The following ADGRB3 variants were observed in gnomAD, a reference collection of about 807,000 sequenced individuals.
The protein encoded by ADGRB3 is adhesion G protein-coupled receptor B3, also known as brain-specific angiogenesis inhibitor 3.
ADGRB3 carries 37 observed loss-of-function variants against 193.4 expected under a neutral mutation model. That is an observed-to-expected ratio of 0.19 (90% CI 0.15 to 0.25). The LOEUF is 0.25. Among genes scored for constraint, ADGRB3 ranks in the 10% least tolerant of loss-of-function variants. The pLI, the probability that ADGRB3 is intolerant of heterozygous loss-of-function variation, is 1.00. For missense variants in ADGRB3, 1,637 were observed against 1,852.9 expected (o/e 0.88, Z 2.14); for synonymous variants, 690 against 644.2 (o/e 1.07, Z -1.08).
intron 6 of ADGRB3, among the ~76,000 whole-genome samples, chr6:68,954,198 A>G (rs542468512): frequency 2.0e-5 from 3 of 152,324 alleles, no homozygotes; most frequent in African/African-American, 7.2e-5. Context: ...GTTTCATGTT[A>G]AGATGGTATT....
chr6:69,256,035 G>C (rs901521391), intron 20 of ADGRB3, among the ~76,000 whole-genome samples: 3 of 151,808 alleles, frequency 2.0e-5, no homozygotes, highest in African/African-American at 7.3e-5. Flanking sequence ...TTATTTCTGA[G>C]GGCTCTGTTC....
intron 3 of ADGRB3, among the ~76,000 whole-genome samples, chr6:68,749,335 G>T (rs1766146899): frequency 6.6e-6 from 1 of 151,540 alleles, no homozygotes; most frequent in Non-Finnish European, 1.5e-5. Flanking sequence ...TCCTCAGCTT[G>T]CAGGCAGCCT....
At chr6:69,327,437 C>CGATA (rs1379983377) in intron 21 of ADGRB3, among the ~76,000 whole-genome samples, 11 of 152,140 alleles carry the variant, frequency 7.2e-5, no homozygotes, top group Admixed American at 2.0e-4. Context: ...TCCACTTCTC[C>CGATA]GATATTACAT....
intron 13 of ADGRB3, among the ~76,000 whole-genome samples, chr6:69,021,791 T>C (rs1770278559): frequency 6.6e-6 from 1 of 151,882 alleles, no homozygotes; most frequent in South Asian, 2.1e-4. Context: ...CGAAGCTTCT[T>C]TTTTTCTGAA....
chr6:69,306,326 C>T (rs918887963), intron 20 of ADGRB3, among the ~76,000 whole-genome samples: 2 of 151,582 alleles, frequency 1.3e-5, no homozygotes, highest in Non-Finnish European at 2.9e-5. Flanking sequence ...AGACCACTAA[C>T]ATTTTTCTCT....
At chr6:68,934,039 C>T (rs1304254927) in intron 4 of ADGRB3, among the ~76,000 whole-genome samples, 1 of 151,966 alleles carries the variant, frequency 6.6e-6, no homozygotes, top group Non-Finnish European at 1.5e-5. Context: ...CTCACAATGG[C>T]CTAATGTGCT....
At position 69,247,365 on chromosome 6, in the gene ADGRB3, T is replaced by C. The variant is rs569315278; in HGVS notation, c.2814+8139T>C. Among the ~76,000 whole-genome samples the C allele has an allele frequency of 3.9e-5, 6 of 152,300 alleles. No individual in the cohort carries two copies. In the East Asian group the frequency reaches 7.7e-4, roughly 20 times the overall value. ...ATCATCCTCTCCCTCCAGACTGATATAGCCTCTAGCAAGCCTTCTGGCTTG... is the reference window on the plus strand; with the variant it reads ...ATCATCCTCTCCCTCCAGACTGATACAGCCTCTAGCAAGCCTTCTGGCTTG... On this transcript the variant is annotated intron_variant, in intron 20 of 31. Transcript: ENST00000370598.
At chr6:69,063,401 GCCT>G (rs1470006748) in intron 16 of ADGRB3, among the ~76,000 whole-genome samples, 1 of 151,988 alleles carries the variant, frequency 6.6e-6, no homozygotes, top group Non-Finnish European at 1.5e-5. Flanking sequence ...GTGAGTAAAA[GCCT>G]GTTAACTGTA....
intron 28 of ADGRB3, 43 bp from the exon 29 acceptor site, chr6:69,360,826 A>G: frequency 6.7e-7 from 1 of 1,501,160 alleles, no homozygotes; most frequent in African/African-American, 1.4e-5. Flanking sequence ...AAAAATAAAC[A>G]CACATTAACT....
chr6:69,099,399 A>G (rs1055967752), intron 17 of ADGRB3, among the ~76,000 whole-genome samples: 5 of 151,938 alleles, frequency 3.3e-5, no homozygotes, highest in Admixed American at 3.3e-4. Context: ...AAACTTACCT[A>G]CCTCCTGTGC....
chr6:68,910,793 G>A (rs931046846), intron 3 of ADGRB3, among the ~76,000 whole-genome samples: 1 of 152,132 alleles, frequency 6.6e-6, no homozygotes, highest in Non-Finnish European at 1.5e-5. Flanking sequence ...GTACCATGCT[G>A]TTTTGGTTAC....
At chr6:69,216,721 C>T (rs1765779167) in intron 17 of ADGRB3, among the ~76,000 whole-genome samples, 1 of 152,166 alleles carries the variant, frequency 6.6e-6, no homozygotes, top group Non-Finnish European at 1.5e-5. Context: ...AAAGAATCGG[C>T]TTGGACAGAA....
rs530858244 is a variant in ADGRB3, at chr6:68,953,005, C to G, written c.1196-3019C>G. 3.9e-4 allele frequency among the ~76,000 whole-genome samples: 60 copies of G among 152,130 alleles called. 1 individual carries two copies. Among genetic ancestry groups the G allele is most frequent in the African/African-American group, 1.3e-3 (56 of 41,524 alleles). ...TATTATTATTGATGCAGTCTTATTT[C>G]AGTAAAAGCCTGAGGAGCAAAACAC... On this transcript the variant is annotated intron_variant, in intron 6 of 31. Transcript: ENST00000370598.
At chr6:68,803,943 A>T (rs1288899685) in intron 3 of ADGRB3, among the ~76,000 whole-genome samples, 2 of 152,154 alleles carry the variant, frequency 1.3e-5, no homozygotes, top group Admixed American at 6.6e-5. Flanking sequence ...AATACCATTG[A>T]ACATTTGCTC....
chr6:69,154,193 G>A (rs1203670904), intron 17 of ADGRB3, among the ~76,000 whole-genome samples: 1 of 152,076 alleles, frequency 6.6e-6, no homozygotes, highest in East Asian at 1.9e-4. Flanking sequence ...ACAGATCAAT[G>A]TCAGTGTTTT....
chr6:68,788,106 C>G (rs912449841), intron 3 of ADGRB3, among the ~76,000 whole-genome samples: 30 of 152,148 alleles, frequency 2.0e-4, no homozygotes, highest in African/African-American at 7.0e-4. Context: ...AAAAAACCAG[C>G]TCCTGGATTC....
chr6:69,341,917 A>G (rs919055820), intron 26 of ADGRB3, among the ~76,000 whole-genome samples: 2 of 152,176 alleles, frequency 1.3e-5, no homozygotes, highest in Non-Finnish European at 1.5e-5. Flanking sequence ...GCGTCACTAT[A>G]TAAGCTTCTC....
In ADGRB3 at chr6:69,382,900, G is replaced by A; in HGVS notation, c.4345G>A (p.Asp1449Asn). ...QELNQKFQTL[D>N]RFRDIPNTSS... ...ACTAAATCAGAAATTTCAAACTTTG[G>A]ACAGATTTCGGGATATACCAAATAC... The change falls in exon 31 of 32, where the codon GAC becomes AAC. Residue 1449 changes from aspartate to asparagine, a missense_variant. Around this residue, in one of 7 missense-constraint regions of ADGRB3, gnomAD observed 368 missense variants for 367.4 expected, o/e 1.00. Transcript: ENST00000370598. 2 of 1,608,984 alleles carry A rather than the reference G, an allele frequency of 1.2e-6. No individual in the cohort carries two copies. Among genetic ancestry groups the A allele is most frequent in the Non-Finnish European group, 1.7e-6 (2 of 1,177,176 alleles).
intron 3 of ADGRB3, among the ~76,000 whole-genome samples, chr6:68,660,049 G>A (rs919048143): frequency 6.0e-5 from 9 of 150,904 alleles, no homozygotes; most frequent in South Asian, 2.1e-4. Context: ...AAAGAAAGCC[G>A]GTTCTTGAAG....
Sources: gnomAD v4.1 joint callset for allele counts (sites outside exome capture counted in the v4.1 genomes callset) on GRCh38, gnomAD v4.1.1 for gene constraint, gnomAD v4.1.1 regional missense constraint, MANE v1.5 for transcripts, NCBI Gene and HGNC (gene_info 2026-07-23, HGNC 2026-07-21) for gene names.